Variants in CFAP95 observed in about 807,000 individuals in gnomAD.
The protein encoded by CFAP95 is cilia- and flagella-associated protein 95.
At chr9:69,898,459 T>A in the CFAP95 span, among the ~76,000 whole-genome samples, 1 of 152,150 alleles carries the variant, frequency 6.6e-6, no homozygotes, top group Admixed American at 6.5e-5. Flanking sequence ...GTTGTATAAT[T>A]TCGAACTTAC....
At chr9:69,846,108 A>AT in the CFAP95 span, among the ~76,000 whole-genome samples, 3 of 152,116 alleles carry the variant, frequency 2.0e-5, no homozygotes, top group Admixed American at 6.5e-5. Flanking sequence ...AAAAACATTT[A>AT]TTTTTGATTT....
At chr9:69,880,535 C>T in the CFAP95 span, among the ~76,000 whole-genome samples, 1 of 152,200 alleles carries the variant, frequency 6.6e-6, no homozygotes, top group South Asian at 2.1e-4. Context: ...CTATAAGTAC[C>T]ACATTTTCTC....
chr9:69,899,029 A>C, the CFAP95 span, among the ~76,000 whole-genome samples: 3 of 152,086 alleles, frequency 2.0e-5, no homozygotes, highest in Admixed American at 6.6e-5. Context: ...TGACTCTTTC[A>C]TTCTGCATAA....
the CFAP95 span, among the ~76,000 whole-genome samples, chr9:69,880,396 G>A: frequency 3.3e-5 from 5 of 152,068 alleles, no homozygotes; most frequent in Admixed American, 1.3e-4. Flanking sequence ...CAAACACGGT[G>A]AGAACATGTG....
the CFAP95 span, among the ~76,000 whole-genome samples, chr9:69,880,990 C>T: frequency 2.6e-5 from 4 of 152,054 alleles, no homozygotes; most frequent in Non-Finnish European, 5.9e-5. Flanking sequence ...ATCTTTGGCC[C>T]ATTTTTTGAT....
chr9:69,824,897 A>G, the CFAP95 span, among the ~76,000 whole-genome samples: 2 of 152,238 alleles, frequency 1.3e-5, no homozygotes, highest in African/African-American at 4.8e-5. Flanking sequence ...GAATATAAAG[A>G]TAGCAAGAAT....
At chr9:69,879,452 G>T in the CFAP95 span, among the ~76,000 whole-genome samples, 1 of 152,110 alleles carries the variant, frequency 6.6e-6, no homozygotes, top group Non-Finnish European at 1.5e-5. Flanking sequence ...GCCTCACAGG[G>T]CCTGAATCAT....
At chr9:69,868,428 G>A in the CFAP95 span, among the ~76,000 whole-genome samples, 5 of 152,042 alleles carry the variant, frequency 3.3e-5, no homozygotes, top group African/African-American at 1.2e-4. Flanking sequence ...GAGGCCAAGG[G>A]CAGTGAATCA....
the CFAP95 span, among the ~76,000 whole-genome samples, chr9:69,867,085 C>T: frequency 3.4e-4 from 51 of 152,220 alleles, no homozygotes; most frequent in East Asian, 3.7e-3. Flanking sequence ...GCCAAATGAC[C>T]GAGGAGGTGG....
the CFAP95 span, among the ~76,000 whole-genome samples, chr9:69,903,459 C>T: frequency 6.6e-6 from 1 of 152,204 alleles, no homozygotes; most frequent in Non-Finnish European, 1.5e-5. Flanking sequence ...GAGAAGCGGA[C>T]TCATGGGTGA....
the CFAP95 span, among the ~76,000 whole-genome samples, chr9:69,850,554 T>G: frequency 6.6e-6 from 1 of 152,250 alleles, no homozygotes; most frequent in Non-Finnish European, 1.5e-5. Context: ...ATTCAATTAT[T>G]TACTTAATTG....
the CFAP95 span, among the ~76,000 whole-genome samples, chr9:69,877,212 C>T: frequency 1.6e-4 from 24 of 152,168 alleles, no homozygotes; most frequent in Admixed American, 7.9e-4. Flanking sequence ...ACTTGTAAGG[C>T]CATTTCCATC....
the CFAP95 span, among the ~76,000 whole-genome samples, chr9:69,852,429 A>C: frequency 1.3e-5 from 2 of 152,216 alleles, no homozygotes; most frequent in Non-Finnish European, 2.9e-5. Context: ...GAAATCAAAC[A>C]GATCTGGTCA....
At chr9:69,885,135 C>T in the CFAP95 span, 1 of 152,146 alleles carries the variant, frequency 6.6e-6, no homozygotes, top group Non-Finnish European at 1.5e-5. Flanking sequence ...ATCCAACAGC[C>T]CGTCTAAGTT....
the CFAP95 span, among the ~76,000 whole-genome samples, chr9:69,821,548 G>A: frequency 6.6e-6 from 1 of 152,180 alleles, no homozygotes; most frequent in East Asian, 1.9e-4. Flanking sequence ...GGCACAGCAG[G>A]AGGGAGATGC....
chr9:69,868,608 A>T, the CFAP95 span, among the ~76,000 whole-genome samples: 1 of 150,322 alleles, frequency 6.7e-6, no homozygotes, highest in Admixed American at 6.7e-5. Context: ...CAGTGAGCTG[A>T]GATCATGCCA....
At chr9:69,841,575 G>T in the CFAP95 span, among the ~76,000 whole-genome samples, 1 of 151,894 alleles carries the variant, frequency 6.6e-6, no homozygotes, top group Non-Finnish European at 1.5e-5. Context: ...TCCTGAATTT[G>T]AGTTAAGATT....
At chr9:69,847,848 A>G in the CFAP95 span, among the ~76,000 whole-genome samples, 2 of 152,294 alleles carry the variant, frequency 1.3e-5, no homozygotes, top group Non-Finnish European at 2.9e-5. Flanking sequence ...TATGAGCATC[A>G]TTTATTTGTA....
At chr9:69,821,154 G>T in the CFAP95 span, 5 of 1,082,588 alleles carry the variant, frequency 4.6e-6, no homozygotes, top group Admixed American at 6.3e-5. Context: ...CAGAGGAAAC[G>T]GAAAAAAGAA....
Sources: allele counts gnomAD v4.1 joint callset (sites outside exome capture counted in the v4.1 genomes callset), GRCh38; gene constraint gnomAD v4.1.1; transcripts MANE v1.5; gene names NCBI Gene and HGNC (gene_info 2026-07-23, HGNC 2026-07-21).